Variants in ANKRD36 observed in about 807,000 individuals in gnomAD.
ANKRD36 encodes the protein ankyrin repeat domain 36.
In ANKRD36, 179 loss-of-function variants were observed where a neutral mutation model predicts 278.1. The observed-to-expected ratio is 0.64, with a 90% CI of 0.57 to 0.73. The LOEUF (loss-of-function observed/expected upper bound fraction) is 0.73, where lower values mean the gene tolerates loss of function less well. Ranked by LOEUF, ANKRD36 falls within the 30% of genes least tolerant of loss-of-function variation. The pLI, the probability that ANKRD36 is intolerant of heterozygous loss-of-function variation, is 0.00. For synonymous variants in ANKRD36, 320 were observed against 641.1 expected (o/e 0.50, Z 7.57); for missense variants, 1,159 against 1,956.7 (o/e 0.59, Z 7.69).
intron 52 of ANKRD36, among the ~76,000 whole-genome samples, chr2:97,207,279 C>T (rs2153614199): frequency 6.6e-6 from 1 of 151,386 alleles, no homozygotes; most frequent in East Asian, 2.0e-4. Flanking sequence ...AACAGATATC[C>T]AAGGTGATGA....
At position 97,113,408 on chromosome 2, in the gene ANKRD36, G is replaced by C. The variant is rs1362487657; in HGVS notation, c.-332G>C. 2 of 369,586 alleles carry C rather than the reference G, an allele frequency of 5.4e-6. No homozygotes were observed. The highest frequency in any genetic ancestry group is 9.4e-5 in the Admixed American group (2 of 21,344). The allele number at this position is 369,586 out of a possible 1,614,324, so 22.9% of individuals were successfully genotyped here. ...GGAAGAGAAGAGCGCGCGGGCGACA[G>C]TTAAACAGGCCCTGGGGCAGGGCGC... is the stretch of plus-strand genomic sequence containing the variant. On this transcript the variant is annotated 5_prime_UTR_variant, in exon 1 of 76. Transcript: ENST00000420699.
intron 12 of ANKRD36, among the ~76,000 whole-genome samples, chr2:97,149,850 T>C (rs534343678): frequency 1.4e-4 from 21 of 151,876 alleles, no homozygotes; most frequent in African/African-American, 4.8e-4. Flanking sequence ...TATCATACTG[T>C]ATTTTTGCAG....
At chr2:97,147,478 G>A (rs72624698) in intron 11 of ANKRD36, among the ~76,000 whole-genome samples, 4 of 147,858 alleles carry the variant, frequency 2.7e-5, no homozygotes, top group Admixed American at 6.8e-5. Flanking sequence ...ATCCTCTAGT[G>A]CTTGAATCCT....
chr2:97,152,308 A>G (rs1388082054), intron 13 of ANKRD36, among the ~76,000 whole-genome samples, 196 bp from the exon 14 acceptor site: 2 of 146,656 alleles, frequency 1.4e-5, no homozygotes, highest in Non-Finnish European at 3.1e-5. Flanking sequence ...GATTATTATT[A>G]TTATGTTTAT....
At chr2:97,158,718 T>G in intron 17 of ANKRD36, 63 bp downstream of exon 17, 2 of 1,398,232 alleles carry the variant, frequency 1.4e-6, no homozygotes, top group African/African-American at 1.4e-5. Context: ...GTTCACCAAC[T>G]CACTCTTATC....
rs543123346 is a variant in ANKRD36 at position 97,200,189 on chromosome 2, C to T, written c.2756-145C>T. On this transcript the variant is annotated intron_variant, in intron 44 of 75. Coordinates refer to ENST00000420699, the MANE Select transcript of ANKRD36 (RefSeq NM_001354587.1). ...TTTTTCAGTGTATTTCTGTCATGTT[C>T]TGATCCCCAGACACAAAGTAGAAGC... 35 of 1,512,142 alleles carry T rather than the reference C, an allele frequency of 2.3e-5. No homozygotes were observed. In the African/African-American group the frequency reaches 3.8e-4, roughly 16 times the overall value. 93.7% of individuals were successfully genotyped at this position (1,512,142 alleles called of 1,614,324 possible). A position where few individuals can be genotyped will look rare whatever the true frequency, so the allele number is the denominator to read the frequency against.
intron 18 of ANKRD36, chr2:97,163,712 A>C: frequency 5.7e-6 from 1 of 176,048 alleles, no homozygotes; most frequent in Non-Finnish European, 1.1e-5. Context: ...AGTAGCTGGT[A>C]CTACAGGCGC....
intron 22 of ANKRD36, among the ~76,000 whole-genome samples, chr2:97,177,086 A>T (rs1309147408): frequency 6.6e-6 from 1 of 151,708 alleles, no homozygotes; most frequent in Non-Finnish European, 1.5e-5. Flanking sequence ...AATTGCTTCA[A>T]AGAGAATAAA....
intron 75 of ANKRD36, among the ~76,000 whole-genome samples, chr2:97,262,720 G>A (rs1302964203): frequency 7.5e-6 from 1 of 132,628 alleles, no homozygotes; most frequent in Middle Eastern, 3.5e-3. Flanking sequence ...TCACTAATGA[G>A]TGAGTTCTCA....
chr2:97,191,377 C>A (rs963716297), intron 36 of ANKRD36, among the ~76,000 whole-genome samples, 196 bp downstream of exon 36: 2 of 151,690 alleles, frequency 1.3e-5, no homozygotes, highest in African/African-American at 4.8e-5. Flanking sequence ...TAAGATTATA[C>A]ACTTCCCCAC....
At chr2:97,205,846 A>T in intron 50 of ANKRD36, 94 bp from the exon 51 acceptor site, 1 of 1,424,194 alleles carries the variant, frequency 7.0e-7, no homozygotes, top group Non-Finnish European at 9.6e-7. Flanking sequence ...TAATACAGGC[A>T]GGAGGACAGA....
chr2:97,204,979 T>G (rs925745599), intron 50 of ANKRD36, among the ~76,000 whole-genome samples: 2 of 151,508 alleles, frequency 1.3e-5, no homozygotes, highest in African/African-American at 4.8e-5. Context: ...AGAAATGAGA[T>G]AAACTTGAAT....
At chr2:97,191,445 A>T (rs2058493562) in intron 36 of ANKRD36, among the ~76,000 whole-genome samples, 1 of 151,718 alleles carries the variant, frequency 6.6e-6, no homozygotes. Flanking sequence ...GGCTCTGGGG[A>T]ACAGCATAAT....
chr2:97,150,492 G>A (rs2153463669), intron 12 of ANKRD36, among the ~76,000 whole-genome samples: 1 of 152,376 alleles, frequency 6.6e-6, no homozygotes, highest in South Asian at 2.1e-4. Flanking sequence ...CAGGTAAATG[G>A]GCTTTCTCAT....
At chr2:97,206,436 A>G (rs1197100614) in intron 52 of ANKRD36, among the ~76,000 whole-genome samples, 1 of 151,462 alleles carries the variant, frequency 6.6e-6, no homozygotes, top group Non-Finnish European at 1.5e-5. Context: ...GCTTGTTTTC[A>G]CTAAGGGTGG....
chr2:97,204,821 T>C (rs570044753), intron 50 of ANKRD36, among the ~76,000 whole-genome samples: 6 of 151,492 alleles, frequency 4.0e-5, no homozygotes, highest in Non-Finnish European at 8.9e-5. Context: ...ATTTGGAATA[T>C]TTTCATAAAA....
At chr2:97,233,038 C>A (rs1441864021) in intron 67 of ANKRD36, among the ~76,000 whole-genome samples, 10 of 151,606 alleles carry the variant, frequency 6.6e-5, no homozygotes, top group African/African-American at 2.4e-4. Context: ...GATGGTGTTT[C>A]TGTTGTTACA....
chr2:97,230,567 C>T (rs1171524379), intron 67 of ANKRD36, among the ~76,000 whole-genome samples: 14 of 152,170 alleles, frequency 9.2e-5, no homozygotes, highest in African/African-American at 3.1e-4. Flanking sequence ...TTTTTAACTT[C>T]TTTGCCTTTG....
chr2:97,118,172 G>A lies in ANKRD36; in HGVS notation c.306G>A (p.Leu102=). The A allele has an allele frequency of 1.3e-6, 2 of 1,580,930 alleles. No individual in the cohort carries two copies. Among genetic ancestry groups the A allele is most frequent in the Non-Finnish European group, 1.7e-6 (2 of 1,161,958 alleles). ...GCGACCGTGAAGACAGGACACCTCT[G>A]ATCAAGGTATATAGTAGCTGACTCT... ...NLCDREDRTP[L]IKAVQLRQEA... is the part of the protein sequence containing the mutation. The change falls in exon 2 of 76, where the codon CTG becomes CTA. Residue 102 remains leucine (L), a synonymous_variant. Coordinates refer to ENST00000420699, the MANE Select transcript of ANKRD36 (RefSeq NM_001354587.1).
Sources: allele counts gnomAD v4.1 joint callset (sites outside exome capture counted in the v4.1 genomes callset), GRCh38; gene constraint gnomAD v4.1.1; transcripts MANE v1.5; gene names NCBI Gene and HGNC (gene_info 2026-07-23, HGNC 2026-07-21).